The following MAGT1 variants were observed in gnomAD, a reference collection of about 807,000 sequenced individuals.
MAGT1 encodes the protein dolichyl-diphosphooligosaccharide--protein glycosyltransferase subunit MAGT1.
In MAGT1, 4 loss-of-function variants were observed where a neutral mutation model predicts 28.4. That is an observed-to-expected ratio of 0.14 (90% CI 0.07 to 0.32). The LOEUF is 0.32. MAGT1 is among the 10% of genes least tolerant of loss of function. MAGT1 has a pLI of 1.00. For missense variants in MAGT1, 193 were observed against 264.5 expected, an observed-to-expected ratio of 0.73 and a Z score of 1.88; for synonymous variants, 89 against 89.7, an observed-to-expected ratio of 0.99 and a Z score of 0.04.
chrX:77,884,590 C>T (rs926089574), intron 1 of MAGT1, among the ~76,000 whole-genome samples: 6 of 110,225 alleles, frequency 5.4e-5, no homozygotes, highest in African/African-American at 1.7e-4. Context: ...GCAACACTAC[C>T]GACGTCTTAG....
chrX:77,845,843 G>A (rs1295752888), intron 7 of MAGT1, among the ~76,000 whole-genome samples: 8 of 111,459 alleles, frequency 7.2e-5, no homozygotes, highest in Non-Finnish European at 1.5e-4. Context: ...TGGGTAACCC[G>A]GCCTTTCTCT....
intron 1 of MAGT1, among the ~76,000 whole-genome samples, chrX:77,880,592 AAAG>A (rs2077049117): frequency 9.0e-6 from 1 of 110,707 alleles, no homozygotes; most frequent in Admixed American, 9.8e-5. Context: ...AGGGCCACAA[AAAG>A]AATATGCCAC....
At chrX:77,860,201 A>T (rs2076991326) in intron 3 of MAGT1, among the ~76,000 whole-genome samples, 1 of 110,912 alleles carries the variant, frequency 9.0e-6, no homozygotes, top group Non-Finnish European at 1.9e-5. Context: ...CTCCTGTCTT[A>T]CCCTCTCAAG....
chrX:77,894,803 G>C (rs1557219749), intron 1 of MAGT1, among the ~76,000 whole-genome samples: 1 of 112,080 alleles, frequency 8.9e-6, no homozygotes, highest in East Asian at 2.8e-4. Flanking sequence ...AAAATGGTTA[G>C]GAGCTTTCAA....
intron 3 of MAGT1, among the ~76,000 whole-genome samples, chrX:77,869,674 ATAC>A (rs1339868046): frequency 9.1e-6 from 1 of 110,421 alleles, no homozygotes; most frequent in Non-Finnish European, 1.9e-5. Context: ...CCACAATGAA[ATAC>A]TACTTTACAC....
At chrX:77,885,083 GAGAC>G (rs1299541235) in intron 1 of MAGT1, among the ~76,000 whole-genome samples, 8 of 107,375 alleles carry the variant, frequency 7.5e-5, no homozygotes, top group Admixed American at 2.0e-4. Flanking sequence ...AAAAAAGAGA[GAGAC>G]AGGGTGTCAC....
chrX:77,870,709 G>A, intron 3 of MAGT1, 99 bp downstream of exon 3: 1 of 600,741 alleles, frequency 1.7e-6, no homozygotes, highest in South Asian at 2.4e-5. Context: ...TTACATAAGA[G>A]CAATCCCATT....
At chrX:77,844,204 A>C (rs1234031306) in intron 7 of MAGT1, among the ~76,000 whole-genome samples, 26 of 111,352 alleles carry the variant, frequency 2.3e-4, no homozygotes, top group African/African-American at 7.8e-4. Flanking sequence ...GGAATTTATC[A>C]ATTTCTTCTA....
At chrX:77,845,407 G>C (rs1420621249) in intron 7 of MAGT1, among the ~76,000 whole-genome samples, 2 of 111,546 alleles carry the variant, frequency 1.8e-5, no homozygotes, top group African/African-American at 6.5e-5. Flanking sequence ...TTGCCAGTCT[G>C]TGTCTTTTAA....
chrX:77,865,811 C>T (rs1411266709), intron 3 of MAGT1, among the ~76,000 whole-genome samples: 1 of 111,285 alleles, frequency 9.0e-6, no homozygotes, highest in Non-Finnish European at 1.9e-5. Flanking sequence ...GGAGAGAAAG[C>T]AGACAGGGAA....
intron 1 of MAGT1, among the ~76,000 whole-genome samples, chrX:77,894,416 G>A (rs1286212252): frequency 8.9e-6 from 1 of 112,021 alleles, no homozygotes; most frequent in African/African-American, 3.2e-5. Context: ...GTGCTTAACT[G>A]GTATTTTTAG....
chrX:77,851,775 C>T (rs1489519125), intron 7 of MAGT1, among the ~76,000 whole-genome samples: 1 of 111,550 alleles, frequency 9.0e-6, no homozygotes, highest in African/African-American at 3.3e-5. Context: ...CCTCTGCCTC[C>T]CAGAGTGCTG....
At chrX:77,872,632 G>A (rs1238186116) in intron 2 of MAGT1, among the ~76,000 whole-genome samples, 4 of 111,445 alleles carry the variant, frequency 3.6e-5, no homozygotes, top group African/African-American at 6.5e-5. Flanking sequence ...TATCCTGCCT[G>A]TATCAACATC....
At chrX:77,841,679 CT>C (rs1159254108) in intron 7 of MAGT1, among the ~76,000 whole-genome samples, 238 of 98,062 alleles carry the variant, frequency 2.4e-3, no homozygotes, top group Admixed American at 2.6e-3. Context: ...TATTAAATGG[CT>C]TTTTTTTTTT....
intron 7 of MAGT1, among the ~76,000 whole-genome samples, chrX:77,850,213 C>T (rs782684804): frequency 1.8e-3 from 195 of 110,672 alleles, no homozygotes; most frequent in African/African-American, 4.7e-3. Flanking sequence ...AGGTGGCTCA[C>T]GCCTGAAATC....
At chrX:77,848,520 G>T (rs1242633796) in intron 7 of MAGT1, among the ~76,000 whole-genome samples, 1 of 110,827 alleles carries the variant, frequency 9.0e-6, no homozygotes, top group African/African-American at 3.3e-5. Flanking sequence ...CGTATTTTCA[G>T]ATTTCTTTGT....
chrX:77,885,565 T>G (rs1052095420), intron 1 of MAGT1: 62 of 107,362 alleles, frequency 5.8e-4, no homozygotes, highest in African/African-American at 2.1e-3. Flanking sequence ...GTCACCCAGA[T>G]TGGAGTGCAG....
At chrX:77,841,051 T>C (rs1187162442) in intron 8 of MAGT1, among the ~76,000 whole-genome samples, 195 bp downstream of exon 8, 1 of 111,625 alleles carries the variant, frequency 9.0e-6, no homozygotes, top group Non-Finnish European at 1.9e-5. Context: ...CCTGTTTTTT[T>C]ACATTTTCTA....
chrX:77,851,771 C>A (rs1184798775), intron 7 of MAGT1, among the ~76,000 whole-genome samples: 1 of 111,691 alleles, frequency 9.0e-6, no homozygotes, highest in Non-Finnish European at 1.9e-5. Context: ...CCTGCCTCTG[C>A]CTCCCAGAGT....
Sources: allele counts gnomAD v4.1 joint callset (sites outside exome capture counted in the v4.1 genomes callset), GRCh38; gene constraint gnomAD v4.1.1; transcripts MANE v1.5; gene names NCBI Gene and HGNC (gene_info 2026-07-23, HGNC 2026-07-21).